CRACD: variants seen among roughly 807,000 people sequenced by gnomAD.
CRACD encodes the protein capping protein inhibiting regulator of actin dynamics, also known as capping protein-inhibiting regulator of actin dynamics.
Under a neutral mutation model 106.8 loss-of-function variants are expected in CRACD, and 56 were observed. The observed-to-expected ratio is 0.52, with a 90% CI of 0.42 to 0.66. The LOEUF is 0.66. Ranked by LOEUF, CRACD falls within the 30% of genes least tolerant of loss-of-function variation. The pLI, the probability that CRACD is intolerant of heterozygous loss-of-function variation, is 0.00. For missense variants in CRACD, 1,730 were observed against 1,623.2 expected (o/e 1.07, Z -1.13); for synonymous variants, 754 against 670.8 (o/e 1.12, Z -1.92).
chr4:56,158,794 A>T (rs1005246760), intron 1 of CRACD, among the ~76,000 whole-genome samples: 1 of 152,242 alleles, frequency 6.6e-6, no homozygotes, highest in African/African-American at 2.4e-5. Context: ...GAATTTGCAT[A>T]TTGATGAAAG....
chr4:56,114,331 G>T (rs1458080100), intron 1 of CRACD, among the ~76,000 whole-genome samples: 1 of 151,954 alleles, frequency 6.6e-6, no homozygotes, highest in Non-Finnish European at 1.5e-5. Flanking sequence ...GGAAAGAAAG[G>T]CACAGGGGTT....
chr4:56,175,605 G>T (rs530348417), intron 1 of CRACD, among the ~76,000 whole-genome samples: 2 of 152,112 alleles, frequency 1.3e-5, no homozygotes, highest in Non-Finnish European at 1.5e-5. Flanking sequence ...CACACACAGG[G>T]TATCCTCTTT....
intron 2 of CRACD, among the ~76,000 whole-genome samples, chr4:56,247,688 A>G (rs1740761802): frequency 6.6e-6 from 1 of 152,186 alleles, no homozygotes; most frequent in Admixed American, 6.5e-5. Flanking sequence ...TCTACAAAAA[A>G]TACAAAAATT....
intron 1 of CRACD, chr4:56,049,975 G>C (rs1731815170): frequency 6.6e-6 from 1 of 151,724 alleles, no homozygotes; most frequent in Non-Finnish European, 1.5e-5. Flanking sequence ...GCAGAGCTCT[G>C]TAGTGGCGAG....
intron 1 of CRACD, among the ~76,000 whole-genome samples, chr4:56,161,767 ATT>A (rs35832943): frequency 1.4e-5 from 2 of 141,308 alleles, no homozygotes; most frequent in African/African-American, 5.2e-5. Context: ...GCCAAAGAGC[ATT>A]TTTTTTTTTT....
chr4:56,291,487 A>G (rs1282040322), intron 3 of CRACD, among the ~76,000 whole-genome samples: 1 of 152,030 alleles, frequency 6.6e-6, no homozygotes, highest in African/African-American at 2.4e-5. Context: ...TTCAATTCCA[A>G]CCCTGCCTCA....
chr4:56,264,014 G>C (rs954539662), intron 2 of CRACD, among the ~76,000 whole-genome samples: 9 of 152,174 alleles, frequency 5.9e-5, no homozygotes, highest in Non-Finnish European at 1.5e-5. Context: ...TGTACAGAAG[G>C]CATGGCTGGG....
chr4:56,324,468 G>A (rs1378255713), intron 10 of CRACD, among the ~76,000 whole-genome samples: 1 of 152,256 alleles, frequency 6.6e-6, no homozygotes, highest in African/African-American at 2.4e-5. Context: ...TATCAGTGGT[G>A]TGTTGGTGAA....
chr4:56,265,353 G>T (rs1346196152), intron 2 of CRACD, among the ~76,000 whole-genome samples: 2 of 151,920 alleles, frequency 1.3e-5, no homozygotes, highest in African/African-American at 4.8e-5. Context: ...CAAAATGCTT[G>T]TCAACTCACT....
At chr4:56,220,971 C>G (rs990806325) in intron 2 of CRACD, among the ~76,000 whole-genome samples, 3 of 152,130 alleles carry the variant, frequency 2.0e-5, no homozygotes, top group Non-Finnish European at 2.9e-5. Context: ...GAGAGAGAAT[C>G]ATGTACAAAG....
chr4:56,169,868 G>C (rs7672032), intron 1 of CRACD, among the ~76,000 whole-genome samples: 55,643 of 151,954 alleles, frequency 0.37, 10,381 homozygotes, highest in Middle Eastern at 0.44. Flanking sequence ...CCTAAGATGT[G>C]CTTGTGAACA....
intron 1 of CRACD, among the ~76,000 whole-genome samples, chr4:56,079,906 G>A (rs60296378): frequency 0.2 from 30,532 of 152,202 alleles, 3,166 homozygotes; most frequent in African/African-American, 0.22. Context: ...CAGAACATGA[G>A]CATTAGAAGA....
chr4:56,288,972 G>A (rs1346254238), intron 3 of CRACD, among the ~76,000 whole-genome samples: 1 of 152,192 alleles, frequency 6.6e-6, no homozygotes, highest in African/African-American at 2.4e-5. Flanking sequence ...ATGCTACAAT[G>A]TGGATGAACT....
At chr4:56,273,520 T>C (rs1046677609) in intron 3 of CRACD, among the ~76,000 whole-genome samples, 1 of 152,100 alleles carries the variant, frequency 6.6e-6, no homozygotes, top group African/African-American at 2.4e-5. Flanking sequence ...GGTCAGGAAG[T>C]ACTTTCTTAC....
rs145336805 is a variant in CRACD, at chr4:56,186,779, G to A, written c.-189+7349G>A. Among the ~76,000 whole-genome samples, 26 of 152,226 alleles carry A rather than the reference G, an allele frequency of 1.7e-4. No individual in the cohort carries two copies. In the East Asian group the frequency reaches 4.8e-3, roughly 28 times the overall value. ...TAGGATGTAGCTTCTAAAAGCCAGGGGGCCAGGCACGGTGGCCCATGCTTG... is the reference window on the plus strand; with the variant it reads ...TAGGATGTAGCTTCTAAAAGCCAGGAGGCCAGGCACGGTGGCCCATGCTTG... On this transcript the variant is annotated intron_variant, in intron 2 of 10. Transcript: ENST00000682029.
At chr4:56,248,970 A>G (rs1177562674) in intron 2 of CRACD, among the ~76,000 whole-genome samples, 1 of 120,386 alleles carries the variant, frequency 8.3e-6, no homozygotes, top group Non-Finnish European at 1.7e-5. Flanking sequence ...AATCCAGTCT[A>G]TCATTGTTGG....
At chr4:56,076,973 CTAAT>C (rs1316297936) in intron 1 of CRACD, among the ~76,000 whole-genome samples, 1 of 152,096 alleles carries the variant, frequency 6.6e-6, no homozygotes, top group Non-Finnish European at 1.5e-5. Context: ...TTAATTCCTC[CTAAT>C]TACTTGTCCT....
intron 2 of CRACD, among the ~76,000 whole-genome samples, chr4:56,202,286 C>T (rs1737918546): frequency 1.3e-5 from 2 of 152,246 alleles, no homozygotes; most frequent in Middle Eastern, 3.4e-3. Context: ...CGCTCTGTCA[C>T]CCAGGCTGGA....
chr4:56,301,081 G>A (rs1373723226), intron 4 of CRACD: 1 of 439,490 alleles, frequency 2.3e-6, no homozygotes, highest in Non-Finnish European at 3.9e-6. Flanking sequence ...CAGCTCTGTA[G>A]TTATACTTTT....
Sources: gnomAD v4.1 joint callset for allele counts (sites outside exome capture counted in the v4.1 genomes callset) on GRCh38, gnomAD v4.1.1 for gene constraint, MANE v1.5 for transcripts, NCBI Gene and HGNC (gene_info 2026-07-23, HGNC 2026-07-21) for gene names.